HHIP: variants seen among roughly 807,000 people sequenced by gnomAD.
The protein encoded by HHIP is hedgehog interacting protein.
Under a neutral mutation model 74.0 loss-of-function variants are expected in HHIP, and 12 were observed. The ratio of observed to expected loss-of-function variants is 0.16; its 90% CI spans 0.10 to 0.26. HHIP has a LOEUF of 0.26. Among genes scored for constraint, HHIP ranks in the 10% least tolerant of loss-of-function variants. The pLI is 1.00. For missense variants in HHIP, 788 were observed against 845.0 expected (o/e 0.93, Z 0.84); for synonymous variants, 309 against 311.6 (o/e 0.99, Z 0.09).
intron 1 of HHIP, chr4:144,648,317 C>T (rs760709398): frequency 7.9e-5 from 12 of 152,344 alleles, no homozygotes; most frequent in Admixed American, 3.3e-4. Context: ...AACTAGAGAA[C>T]ATCATTCTCT....
intron 8 of HHIP, among the ~76,000 whole-genome samples, chr4:144,713,799 C>G (rs1310747257): frequency 1.3e-5 from 2 of 152,030 alleles, no homozygotes; most frequent in Non-Finnish European, 2.9e-5. Context: ...GGCTTTTAAA[C>G]ATTTTACATA....
At position 144,738,378 on chromosome 4, in the gene HHIP, A is replaced by C. The variant is rs1374557412; in HGVS notation, c.*421A>C. On this transcript the variant is annotated 3_prime_UTR_variant, in exon 13 of 13. Coordinates refer to ENST00000296575, the MANE Select transcript of HHIP (RefSeq NM_022475.3). Reference sequence around the variant, plus strand: ...TGCAATCCGATGGATCTAATTAAAAAAAAGGCAATATTTTTATATTAAAGT... The same window carrying C: ...TGCAATCCGATGGATCTAATTAAAACAAAGGCAATATTTTTATATTAAAGT... 17 of 976,780 alleles carry C rather than the reference A, an allele frequency of 1.7e-5. No individual in the cohort carries two copies. Among genetic ancestry groups the C allele is most frequent in the Non-Finnish European group, 3.7e-6 (3 of 821,736 alleles). The allele number at this position is 976,780 out of a possible 1,614,324, so 60.5% of individuals were successfully genotyped here.
rs1731174779 is a variant in HHIP, at chr4:144,738,222, A to G, written c.*265A>G. 9.6e-7 allele frequency: 1 copy of G among 1,037,674 alleles called. No individual in the cohort carries two copies. Among genetic ancestry groups the G allele is most frequent in the Non-Finnish European group, 1.2e-6 (1 of 862,442 alleles). 64.3% of individuals were successfully genotyped at this position (1,037,674 alleles called of 1,614,324 possible). ...AATATATACTTCCTTATGCAAAGTA[A>G]TTTACACAGAAATTCCATTGTAAAT... is the stretch of plus-strand genomic sequence containing the variant. On this transcript the variant is annotated 3_prime_UTR_variant, in exon 13 of 13. Transcript: ENST00000296575.
intron 4 of HHIP, among the ~76,000 whole-genome samples, chr4:144,679,550 T>C (rs1193658701): frequency 6.6e-6 from 1 of 152,212 alleles, no homozygotes; most frequent in Non-Finnish European, 1.5e-5. Flanking sequence ...AATTTTTGTA[T>C]AAAGTGTAAG....
intron 11 of HHIP, among the ~76,000 whole-genome samples, chr4:144,727,614 C>T (rs1730839182): frequency 6.6e-6 from 1 of 152,104 alleles, no homozygotes; most frequent in Admixed American, 6.5e-5. Context: ...TGGACCTTGT[C>T]TTTTTATCTA....
At chr4:144,666,248 CGTGTGTGTGTGTGTGTGTGT>C (rs5862718) in intron 4 of HHIP, among the ~76,000 whole-genome samples, 24 of 143,268 alleles carry the variant, frequency 1.7e-4, no homozygotes, top group African/African-American at 4.9e-4. Context: ...ATACTACAGT[CGTGTGTGTGTGTGTGTGTGT>C]GTGTGTGTGT....
chr4:144,667,593 T>C (rs1222130969), intron 4 of HHIP, among the ~76,000 whole-genome samples: 2 of 152,180 alleles, frequency 1.3e-5, no homozygotes, highest in Non-Finnish European at 2.9e-5. Flanking sequence ...TTATAGGGTA[T>C]TGCTGCCCAC....
At chr4:144,662,193 T>C (rs1234441493) in intron 4 of HHIP, among the ~76,000 whole-genome samples, 2 of 152,206 alleles carry the variant, frequency 1.3e-5, no homozygotes, top group Non-Finnish European at 2.9e-5. Flanking sequence ...TTCTGTCACA[T>C]GGTAAAGGCT....
At chr4:144,714,175 T>C in intron 8 of HHIP, 50 bp from the exon 9 acceptor site, 1 of 1,540,740 alleles carries the variant, frequency 6.5e-7, no homozygotes, top group Non-Finnish European at 9.0e-7. Context: ...ACATTCCTTT[T>C]ACTTTATGAA....
At position 144,659,659 on chromosome 4, in the gene HHIP, T is replaced by C. The variant is rs765941853; in HGVS notation, c.652T>C (p.Cys218Arg). The change falls in exon 4 of 13, where the codon TGT becomes CGT. Residue 218 changes from cysteine to arginine, a missense_variant. By Grantham distance (180) the Cys-to-Arg change is radical (BLOSUM62 -3). Transcript: ENST00000296575. Reference protein sequence around the residue: ...ISRKHKHNCFCIQEVVSGLRQ... With the variant: ...ISRKHKHNCFRIQEVVSGLRQ... Reference sequence around the variant, plus strand: ...TAGAAAGCACAAACACAACTGCTTCTGTATTCAGGAGGTTGTGAGTGGGCT... The same window carrying C: ...TAGAAAGCACAAACACAACTGCTTCCGTATTCAGGAGGTTGTGAGTGGGCT... The C allele has an allele frequency of 3.3e-6, 5 of 1,509,794 alleles. No individual in the cohort carries two copies. Among genetic ancestry groups the C allele is most frequent in the South Asian group, 2.8e-5 (2 of 72,092 alleles). 93.5% of individuals were successfully genotyped at this position (1,509,794 alleles called of 1,614,324 possible).
intron 11 of HHIP, among the ~76,000 whole-genome samples, chr4:144,731,572 AC>A (rs1246964234): frequency 6.6e-6 from 1 of 152,058 alleles, no homozygotes; most frequent in African/African-American, 2.4e-5. Flanking sequence ...GACACCCAGG[AC>A]GACACCCAGC....
intron 11 of HHIP, among the ~76,000 whole-genome samples, chr4:144,728,932 G>GGA (rs1192116620): frequency 6.6e-6 from 1 of 151,856 alleles, no homozygotes; most frequent in Non-Finnish European, 1.5e-5. Context: ...CAAAACATGC[G>GGA]GTAAATCCTT....
At chr4:144,721,460 T>A (rs916035375) in intron 11 of HHIP, among the ~76,000 whole-genome samples, 7 of 152,122 alleles carry the variant, frequency 4.6e-5, no homozygotes, top group African/African-American at 1.7e-4. Flanking sequence ...CATAATCATT[T>A]ACATAAGTTC....
chr4:144,650,201 C>G (rs1728379308), intron 1 of HHIP, among the ~76,000 whole-genome samples: 1 of 152,100 alleles, frequency 6.6e-6, no homozygotes, highest in Non-Finnish European at 1.5e-5. Flanking sequence ...GGAGGCCACA[C>G]TTTACTGTGT....
At chr4:144,736,551 A>T (rs990277558) in intron 12 of HHIP, among the ~76,000 whole-genome samples, 5 of 152,170 alleles carry the variant, frequency 3.3e-5, no homozygotes, top group African/African-American at 1.2e-4. Context: ...CAGTATATTT[A>T]AACTGAGGGT....
In HHIP at chr4:144,731,862, T is replaced by A. The variant is rs546455239; in HGVS notation, c.1761-2879T>A. On this transcript the variant is annotated intron_variant, in intron 11 of 12. Transcript: ENST00000296575. ...ATCCCTTAAAGTAGTTGCCTCCTCA[T>A]CTGTATTTCTATGATACTTCATGTG... 2.0e-5 allele frequency among the ~76,000 whole-genome samples: 3 copies of A among 152,338 alleles called. No individual in the cohort carries two copies. The South Asian group carries it at 6.2e-4, about 32-fold the overall frequency.
At chr4:144,694,787 A>G (rs1318142307) in intron 4 of HHIP, among the ~76,000 whole-genome samples, 1 of 151,898 alleles carries the variant, frequency 6.6e-6, no homozygotes, top group East Asian at 1.9e-4. Flanking sequence ...TTTAATGTTT[A>G]AAATCAAATG....
At chr4:144,652,061 T>C (rs1431591023) in intron 1 of HHIP, among the ~76,000 whole-genome samples, 2 of 152,092 alleles carry the variant, frequency 1.3e-5, no homozygotes, top group African/African-American at 4.8e-5. Flanking sequence ...AATCCTACTT[T>C]AGAAAATTTT....
At chr4:144,720,028 A>G (rs190800670) in intron 11 of HHIP, among the ~76,000 whole-genome samples, 30 of 152,342 alleles carry the variant, frequency 2.0e-4, no homozygotes, top group African/African-American at 7.2e-4. Context: ...AGAACAAAAA[A>G]AGAATCAGTT....
Sources: allele counts gnomAD v4.1 joint callset (sites outside exome capture counted in the v4.1 genomes callset), GRCh38; gene constraint gnomAD v4.1.1; transcripts MANE v1.5; gene names NCBI Gene and HGNC (gene_info 2026-07-23, HGNC 2026-07-21).